ROBO2: variants seen among roughly 807,000 people sequenced by gnomAD.
ROBO2 encodes the protein roundabout homolog 2.
Under a neutral mutation model 160.8 loss-of-function variants are expected in ROBO2, and 53 were observed. The ratio of observed to expected loss-of-function variants is 0.33; its 90% confidence interval spans 0.26 to 0.41. The LOEUF is 0.41. ROBO2 is among the 10% of genes least tolerant of loss of function. The probability of loss-of-function intolerance (pLI) is 1.00; values close to 1 mark genes in which losing one functional copy is unlikely to be tolerated. For missense variants in ROBO2, 1,577 were observed against 1,722.4 expected (o/e 0.92, Z 1.49); for synonymous variants, 664 against 611.7 (o/e 1.09, Z -1.26).
chr3:76,945,692 A>T (rs536246271), intron 2 of ROBO2, among the ~76,000 whole-genome samples: 5 of 152,124 alleles, frequency 3.3e-5, no homozygotes, highest in Non-Finnish European at 7.3e-5. Flanking sequence ...CCTCAAGGTC[A>T]CTAATCATTT....
At chr3:77,338,625 A>G (rs1448616924) in intron 2 of ROBO2, among the ~76,000 whole-genome samples, 4 of 152,150 alleles carry the variant, frequency 2.6e-5, no homozygotes. Flanking sequence ...GGAACCACAG[A>G]GTGCAGTTAT....
chr3:77,276,979 C>T (rs1315343219), intron 2 of ROBO2, among the ~76,000 whole-genome samples: 1 of 152,084 alleles, frequency 6.6e-6, no homozygotes. Flanking sequence ...TTATCTTCAC[C>T]TGGCCCTGCC....
chr3:77,414,896 T>C (rs940095704), intron 2 of ROBO2, among the ~76,000 whole-genome samples: 1 of 152,172 alleles, frequency 6.6e-6, no homozygotes, highest in East Asian at 1.9e-4. Flanking sequence ...TTTATATAAA[T>C]AGAGAATTCC....
intron 2 of ROBO2, among the ~76,000 whole-genome samples, chr3:76,632,044 A>G (rs1278258559): frequency 6.6e-6 from 1 of 152,220 alleles, no homozygotes; most frequent in Admixed American, 6.5e-5. Flanking sequence ...CATTTATTTG[A>G]CACATCCTAA....
intron 2 of ROBO2, chr3:77,316,996 T>C (rs1455806094): frequency 3.9e-6 from 6 of 1,519,690 alleles, no homozygotes; most frequent in Middle Eastern, 2.3e-4. Flanking sequence ...GACAGCGGTC[T>C]CCAACTTCTT....
At chr3:77,128,160 A>C (rs369003090) in intron 2 of ROBO2, among the ~76,000 whole-genome samples, 2 of 152,208 alleles carry the variant, frequency 1.3e-5, no homozygotes, top group East Asian at 3.8e-4. Context: ...TCTAGATGCC[A>C]GGTGCATATC....
At chr3:76,859,234 A>G (rs940198390) in intron 2 of ROBO2, among the ~76,000 whole-genome samples, 1 of 152,202 alleles carries the variant, frequency 6.6e-6, no homozygotes, top group African/African-American at 2.4e-5. Context: ...AATAGACATG[A>G]CTTTCAAGAG....
At chr3:76,621,707 A>G (rs769890867) in intron 2 of ROBO2, among the ~76,000 whole-genome samples, 2 of 152,222 alleles carry the variant, frequency 1.3e-5, no homozygotes, top group Non-Finnish European at 2.9e-5. Context: ...GTTCCTGAAA[A>G]ATAGGTACCA....
Position 77,331,867 on chromosome 3 carries a change from A to G in ROBO2, c.389-145547A>G, listed in dbSNP as rs2065999669. On this transcript the variant is annotated intron_variant, in intron 2 of 25. Transcript: ENST00000461745. ...ATTACAGGCACGTGCCACCACGCCC[A>G]GCTAATTTTTGTATTTTTAGTAGAG... is the stretch of plus-strand genomic sequence containing the variant. Among the ~76,000 whole-genome samples, 5 of 152,056 alleles carry G rather than the reference A, an allele frequency of 3.3e-5. No individual in the cohort carries two copies. In the South Asian group the frequency reaches 1.0e-3, roughly 32 times the overall value.
At chr3:76,840,640 A>T in intron 2 of ROBO2, among the ~76,000 whole-genome samples, 1 of 61,638 alleles carries the variant, frequency 1.6e-5, no homozygotes, top group African/African-American at 6.4e-5. Flanking sequence ...TATATTAATT[A>T]TATTTTATAT....
chr3:76,070,681 T>G (rs1421879381), intron 2 of ROBO2, among the ~76,000 whole-genome samples: 1 of 152,058 alleles, frequency 6.6e-6, no homozygotes, highest in African/African-American at 2.4e-5. Context: ...AACTTGCTGG[T>G]TTTTGTGGCT....
At chr3:76,168,355 T>TA (rs2072914349) in intron 2 of ROBO2, among the ~76,000 whole-genome samples, 4 of 152,204 alleles carry the variant, frequency 2.6e-5, no homozygotes, top group Admixed American at 6.5e-5. Flanking sequence ...GAATGTTTTT[T>TA]ATCCTATATT....
intron 2 of ROBO2, among the ~76,000 whole-genome samples, chr3:77,178,462 C>A: frequency 6.6e-6 from 1 of 152,148 alleles, no homozygotes; most frequent in African/African-American, 2.4e-5. Flanking sequence ...GATCTCAAAT[C>A]TCCAACACTT....
intron 2 of ROBO2, among the ~76,000 whole-genome samples, chr3:76,053,465 A>G (rs2067722902): frequency 6.6e-6 from 1 of 152,076 alleles, no homozygotes. Context: ...GTTCATTAAT[A>G]AGCAAAGATT....
At chr3:76,401,196 A>G (rs1219054108) in intron 2 of ROBO2, among the ~76,000 whole-genome samples, 1 of 151,546 alleles carries the variant, frequency 6.6e-6, no homozygotes, top group Non-Finnish European at 1.5e-5. Flanking sequence ...GACTCAGTCA[A>G]CATTGCAAGA....
chr3:77,044,844 T>C (rs1193577898), intron 1 of ROBO2, among the ~76,000 whole-genome samples: 1 of 152,166 alleles, frequency 6.6e-6, no homozygotes, highest in African/African-American at 2.4e-5. Context: ...TAGAGTGCCA[T>C]TTTACAGATT....
chr3:77,484,084 C>T (rs1019889303), intron 4 of ROBO2, among the ~76,000 whole-genome samples: 10 of 151,896 alleles, frequency 6.6e-5, no homozygotes, highest in African/African-American at 2.2e-4. Context: ...CTCCATGAAT[C>T]ACATATTGTG....
chr3:77,538,855 C>G (rs775595670), intron 6 of ROBO2: 3 of 496,312 alleles, frequency 6.0e-6, no homozygotes, highest in East Asian at 5.6e-5. Context: ...CGATTTCTCA[C>G]TCTCTGTTTC....
In ROBO2 at chr3:76,123,840, G is replaced by T. The variant is rs138046846; in HGVS notation, c.109+186238G>T. On this transcript the variant is annotated intron_variant, in intron 2 of 26. Coordinates refer to the ROBO2 transcript ENST00000487694. ...CCTACTGCTTCACATCATATTTATG[G>T]GGTGGAGGTGATGTATGTTTCCCAG... Among the ~76,000 whole-genome samples the T allele has an allele frequency of 4.2e-3, 632 of 152,100 alleles. 4 individuals are homozygous for T. The highest frequency in any genetic ancestry group is 0.014 in the African/African-American group (579 of 41,522).
Sources: allele counts gnomAD v4.1 joint callset (sites outside exome capture counted in the v4.1 genomes callset), GRCh38; gene constraint gnomAD v4.1.1; transcripts MANE v1.5; gene names NCBI Gene and HGNC (gene_info 2026-07-23, HGNC 2026-07-21).